PRKCQ: variants seen among roughly 807,000 people sequenced by gnomAD.
The protein encoded by PRKCQ is protein kinase C theta type.
In PRKCQ, 41 loss-of-function variants were observed where a neutral mutation model predicts 91.2. That is an observed-to-expected ratio of 0.45 (90% CI 0.35 to 0.58). The LOEUF (loss-of-function observed/expected upper bound fraction) is 0.58, where lower values mean the gene tolerates loss of function less well. PRKCQ is among the 20% of genes least tolerant of loss of function. The pLI is 0.00. For missense variants in PRKCQ, 673 were observed against 896.5 expected (o/e 0.75, Z 3.18); for synonymous variants, 307 against 316.9 (o/e 0.97, Z 0.33).
intron 7 of PRKCQ, among the ~76,000 whole-genome samples, chr10:6,492,411 T>A (rs1430773761): frequency 1.3e-5 from 2 of 152,164 alleles, no homozygotes; most frequent in Non-Finnish European, 2.9e-5. Flanking sequence ...GCATCATCTA[T>A]TACATAGGTG....
At chr10:6,510,372 A>T (rs559558744) in intron 3 of PRKCQ, among the ~76,000 whole-genome samples, 1 of 152,320 alleles carries the variant, frequency 6.6e-6, no homozygotes, top group Non-Finnish European at 1.5e-5. Flanking sequence ...AGCTAAGTTC[A>T]TTACAGCTGA....
chr10:6,432,180 G>A (rs116963183), intron 16 of PRKCQ, among the ~76,000 whole-genome samples: 2 of 152,248 alleles, frequency 1.3e-5, no homozygotes, highest in Non-Finnish European at 2.9e-5. Context: ...TGATTTTCCA[G>A]GAGGCTTTCC....
intron 1 of PRKCQ, among the ~76,000 whole-genome samples, chr10:6,572,131 G>A (rs143628854): frequency 2.6e-4 from 40 of 152,250 alleles, no homozygotes; most frequent in African/African-American, 9.4e-4. Flanking sequence ...CCTTCCCATC[G>A]CTCCCTCTTC....
At position 6,507,531 on chromosome 10, in the gene PRKCQ, T is replaced by C. The variant is rs762590765; in HGVS notation, c.319-35A>G. The C allele has an allele frequency of 3.8e-6, 6 of 1,583,484 alleles. No homozygotes were observed. The Admixed American group carries it at 8.3e-5, about 22-fold the overall frequency. On this transcript the variant is annotated intron_variant, in intron 3 of 17. Transcript: ENST00000263125. ...AGAAGGAGAGAAACATCAGTCAGAA[T>C]GTGAAACAAGCCCTGAGTTCAATGA...
At chr10:6,487,826 C>A (rs1007651682) in intron 8 of PRKCQ, among the ~76,000 whole-genome samples, 3 of 151,882 alleles carry the variant, frequency 2.0e-5, no homozygotes, top group Non-Finnish European at 4.4e-5. Flanking sequence ...GGTGAAACCT[C>A]ATCTCTACTA....
At chr10:6,573,412 A>G (rs1280136102) in intron 1 of PRKCQ, among the ~76,000 whole-genome samples, 2 of 152,178 alleles carry the variant, frequency 1.3e-5, no homozygotes, top group African/African-American at 4.8e-5. Flanking sequence ...GCTAATTCCC[A>G]TACATCTTCC....
chr10:6,491,442 G>A (rs994119751), intron 8 of PRKCQ, among the ~76,000 whole-genome samples: 1 of 152,212 alleles, frequency 6.6e-6, no homozygotes, highest in African/African-American at 2.4e-5. Flanking sequence ...GGAGCTAGGA[G>A]TTTGACCTTG....
chr10:6,432,144 T>C (rs1833455979), intron 16 of PRKCQ, among the ~76,000 whole-genome samples: 1 of 152,176 alleles, frequency 6.6e-6, no homozygotes, highest in Non-Finnish European at 1.5e-5. Flanking sequence ...TAAGGTTCTT[T>C]AAAACAGAAA....
At chr10:6,555,884 C>T (rs1377171049) in intron 1 of PRKCQ, among the ~76,000 whole-genome samples, 1 of 152,056 alleles carries the variant, frequency 6.6e-6, no homozygotes, top group Non-Finnish European at 1.5e-5. Flanking sequence ...TGGTGGATGC[C>T]TGTAATCTCA....
chr10:6,520,590 C>G (rs1432013536), intron 1 of PRKCQ, among the ~76,000 whole-genome samples: 2 of 152,178 alleles, frequency 1.3e-5, no homozygotes, highest in Non-Finnish European at 2.9e-5. Flanking sequence ...CTCCCTGCCC[C>G]CTTCCTCATC....
intron 1 of PRKCQ, among the ~76,000 whole-genome samples, chr10:6,522,100 C>T: frequency 6.6e-6 from 1 of 152,130 alleles, no homozygotes; most frequent in Non-Finnish European, 1.5e-5. Flanking sequence ...TGCCACCACG[C>T]CCGGCTAAGT....
Position 6,565,213 on chromosome 10 carries a change from G to C in PRKCQ, c.-10+14998C>G, listed in dbSNP as rs575961553. 5.3e-5 allele frequency among the ~76,000 whole-genome samples: 8 copies of C among 152,300 alleles called. No homozygotes were observed. In the East Asian group the frequency reaches 1.5e-3, roughly 29 times the overall value. The stretch of plus-strand genomic sequence containing the variant: ...AGATAGCACAGTACTTGAATAAATA[G>C]TGTGATCTCTCTTTATGTTTACATA... On this transcript the variant is annotated intron_variant, in intron 1 of 17. Transcript: ENST00000263125.
chr10:6,520,781 G>GA (rs1838972741), intron 1 of PRKCQ, among the ~76,000 whole-genome samples: 1 of 152,108 alleles, frequency 6.6e-6, no homozygotes, highest in Non-Finnish European at 1.5e-5. Context: ...TCTACAGTCC[G>GA]AGTGGGGTTG....
intron 1 of PRKCQ, among the ~76,000 whole-genome samples, chr10:6,556,857 CG>C (rs1466272143): frequency 6.6e-6 from 1 of 152,126 alleles, no homozygotes; most frequent in Admixed American, 6.5e-5. Context: ...TTCTCCACCT[CG>C]GCAGATGAGC....
chr10:6,530,299 T>C (rs1159277631), intron 1 of PRKCQ, among the ~76,000 whole-genome samples: 4 of 152,210 alleles, frequency 2.6e-5, no homozygotes, highest in Admixed American at 2.0e-4. Flanking sequence ...AAGTGAGCTG[T>C]CGCCCTTGGG....
At chr10:6,521,507 T>G (rs543126895) in intron 1 of PRKCQ, among the ~76,000 whole-genome samples, 2 of 152,314 alleles carry the variant, frequency 1.3e-5, no homozygotes, top group Admixed American at 6.5e-5. Context: ...CAAAGAGCCA[T>G]GAGGATTAAA....
chr10:6,527,584 C>A (rs898816631), intron 1 of PRKCQ, among the ~76,000 whole-genome samples: 10 of 152,096 alleles, frequency 6.6e-5, no homozygotes, highest in Non-Finnish European at 1.2e-4. Flanking sequence ...AATCTCAGGC[C>A]CCCCAAACCA....
At chr10:6,453,922 G>T (rs1450654382) in intron 15 of PRKCQ, among the ~76,000 whole-genome samples, 1 of 151,916 alleles carries the variant, frequency 6.6e-6, no homozygotes, top group Non-Finnish European at 1.5e-5. Flanking sequence ...GGACTGTTGT[G>T]GGGTGGGGGG....
intron 11 of PRKCQ, among the ~76,000 whole-genome samples, chr10:6,481,997 T>C (rs961275154): frequency 1.5e-3 from 135 of 89,100 alleles, no homozygotes; most frequent in Middle Eastern, 4.7e-3. Flanking sequence ...TCACCTCCCC[T>C]TTTTTTTTTT....
Sources: gnomAD v4.1 joint callset for allele counts (sites outside exome capture counted in the v4.1 genomes callset) on GRCh38, gnomAD v4.1.1 for gene constraint, MANE v1.5 for transcripts, NCBI Gene and HGNC (gene_info 2026-07-23, HGNC 2026-07-21) for gene names.